Variants in AKAP6 observed in about 807,000 individuals in gnomAD.
AKAP6 encodes the protein A-kinase anchor protein 6.
AKAP6 carries 58 observed loss-of-function variants against 188.5 expected under a neutral mutation model. The ratio of observed to expected loss-of-function variants is 0.31; its 90% CI spans 0.25 to 0.38. AKAP6 has a LOEUF of 0.38. Ranked by LOEUF, AKAP6 falls within the 10% of genes least tolerant of loss-of-function variation. AKAP6 has a pLI of 1.00. For missense variants in AKAP6, 2,710 were observed against 2,740.0 expected (o/e 0.99, Z 0.24); for synonymous variants, 989 against 998.6 (o/e 0.99, Z 0.18).
Position 32,804,933 on chromosome 14 carries a change from A to G in AKAP6, c.3589-16469A>G, listed in dbSNP as rs184896440. ...AGAAAAATATGGCTCTTTTTGCCCA[A>G]CCCCACAGGCAGTCAGACCTTATGG... On this transcript the variant is annotated intron_variant, in intron 12 of 13. Transcript: ENST00000280979. Among the ~76,000 whole-genome samples, 101 of 152,224 alleles carry G rather than the reference A, an allele frequency of 6.6e-4. No individual in the cohort carries two copies. The East Asian group carries it at 0.019, about 29-fold the overall frequency.
chr14:32,804,280 T>A (rs1488588135), intron 12 of AKAP6, among the ~76,000 whole-genome samples: 2 of 152,170 alleles, frequency 1.3e-5, no homozygotes, highest in Non-Finnish European at 2.9e-5. Flanking sequence ...AAAAACACTA[T>A]CTGATTATCC....
chr14:32,436,093 A>G (rs1158210456), intron 2 of AKAP6, among the ~76,000 whole-genome samples: 1 of 152,242 alleles, frequency 6.6e-6, no homozygotes, highest in Admixed American at 6.5e-5. Context: ...GCCTTTGGCA[A>G]AGCAGATGGG....
chr14:32,594,290 A>G (rs953203248), intron 5 of AKAP6, among the ~76,000 whole-genome samples: 1 of 152,116 alleles, frequency 6.6e-6, no homozygotes, highest in African/African-American at 2.4e-5. Flanking sequence ...ATTTTGTTGT[A>G]TTTTTTGCAG....
intron 12 of AKAP6, among the ~76,000 whole-genome samples, chr14:32,813,923 G>T (rs2034314447): frequency 6.7e-6 from 1 of 149,398 alleles, no homozygotes; most frequent in African/African-American, 2.5e-5. Flanking sequence ...AGTTGAGATG[G>T]GCTACTGTGC....
intron 11 of AKAP6, among the ~76,000 whole-genome samples, chr14:32,745,972 G>T (rs2031893039): frequency 6.6e-6 from 1 of 152,138 alleles, no homozygotes; most frequent in African/African-American, 2.4e-5. Flanking sequence ...GGAGAGTACT[G>T]CCAGACTACC....
intron 12 of AKAP6, among the ~76,000 whole-genome samples, chr14:32,798,884 A>G (rs2033854096): frequency 6.6e-6 from 1 of 152,172 alleles, no homozygotes; most frequent in South Asian, 2.1e-4. Flanking sequence ...AAAGTTGGAA[A>G]AAAAAAAATA....
At chr14:32,342,566 C>T (rs1157321032) in intron 1 of AKAP6, among the ~76,000 whole-genome samples, 1 of 152,178 alleles carries the variant, frequency 6.6e-6, no homozygotes, top group Non-Finnish European at 1.5e-5. Context: ...TAGACATTTT[C>T]TCATGAAGCC....
At chr14:32,660,820 C>A (rs1594821624) in intron 7 of AKAP6, among the ~76,000 whole-genome samples, 2 of 151,912 alleles carry the variant, frequency 1.3e-5, no homozygotes, top group Admixed American at 1.3e-4. Context: ...ACTCAATTCA[C>A]CATTCCTGTT....
At position 32,546,684 on chromosome 14, in the gene AKAP6, T is replaced by A. The variant is rs1400657878; in HGVS notation, c.2031T>A (p.Asp677Glu). 6.2e-7 allele frequency: 1 copy of A among 1,614,124 alleles called. No individual in the cohort carries two copies. The highest frequency in any genetic ancestry group is 1.1e-5 in the South Asian group (1 of 91,080). ...GGGAACTGTCTGAAATGAATTCAGA[T>A]TCTGAAATCTATCCAACCTATCATG... The part of the protein sequence containing the change: ...DDWELSEMNS[D>E]SEIYPTYHVK... The change falls in exon 4 of 14, where the codon GAT (aspartate) becomes GAA (glutamate). Residue 677 changes from aspartate to glutamate, a missense_variant. Asp to Glu is a conservative substitution (Grantham distance 45). This residue lies in a region of AKAP6 where 2,473 missense variants were observed against 2,426.1 expected (regional missense o/e 1.02). Coordinates refer to ENST00000280979, the MANE Select transcript of AKAP6 (RefSeq NM_004274.5).
At chr14:32,762,502 A>G (rs2139950410) in intron 11 of AKAP6, among the ~76,000 whole-genome samples, 1 of 152,278 alleles carries the variant, frequency 6.6e-6, no homozygotes, top group Admixed American at 6.5e-5. Flanking sequence ...TAGGGAAAGT[A>G]ACAAAGAAAT....
intron 2 of AKAP6, among the ~76,000 whole-genome samples, chr14:32,510,422 ATACATATATATATGTG>A (rs1566546583): frequency 0.012 from 1,107 of 88,678 alleles, 41 homozygotes; most frequent in African/African-American, 0.048. Flanking sequence ...ATGTATATAT[ATACATATATATATGTG>A]TATATATATA....
intron 1 of AKAP6, among the ~76,000 whole-genome samples, chr14:32,335,196 G>A (rs1333119696): frequency 6.6e-6 from 1 of 152,132 alleles, no homozygotes; most frequent in Non-Finnish European, 1.5e-5. Flanking sequence ...TATGGCTGCT[G>A]GGCAGGCTTT....
chr14:32,583,035 A>T (rs563185858), intron 5 of AKAP6, among the ~76,000 whole-genome samples: 1 of 152,206 alleles, frequency 6.6e-6, no homozygotes, highest in Non-Finnish European at 1.5e-5. Context: ...CTGGTGAGGA[A>T]CTGCGTTCCT....
intron 12 of AKAP6, among the ~76,000 whole-genome samples, chr14:32,803,280 T>A (rs906680820): frequency 1.1e-3 from 133 of 116,134 alleles, no homozygotes; most frequent in African/African-American, 1.8e-3. Context: ...CCCGTCTCTA[T>A]AAAAAAAAAA....
At chr14:32,435,832 G>T (rs3784190) in intron 2 of AKAP6, among the ~76,000 whole-genome samples, 38,513 of 152,006 alleles carry the variant, frequency 0.25, 9,227 homozygotes, top group African/African-American at 0.63. Context: ...ACTGCATGTG[G>T]CCTCAAAAAA....
intron 1 of AKAP6, among the ~76,000 whole-genome samples, chr14:32,398,555 C>T (rs1018220392): frequency 6.6e-6 from 1 of 152,084 alleles, no homozygotes; most frequent in Non-Finnish European, 1.5e-5. Context: ...TCCTTTCCAG[C>T]CATCCACACC....
intron 7 of AKAP6, chr14:32,628,115 GA>G (rs1887102527): frequency 6.6e-6 from 1 of 152,062 alleles, no homozygotes; most frequent in African/African-American, 2.4e-5. Flanking sequence ...CAAAGTACTT[GA>G]TTACACAATA....
At chr14:32,706,996 G>C (rs1360345738) in intron 9 of AKAP6, among the ~76,000 whole-genome samples, 2 of 152,052 alleles carry the variant, frequency 1.3e-5, no homozygotes, top group Admixed American at 1.3e-4. Context: ...TTCCTAAGTA[G>C]TTGATTCCAT....
chr14:32,481,934 T>G (rs976894610), intron 2 of AKAP6, among the ~76,000 whole-genome samples: 1 of 152,184 alleles, frequency 6.6e-6, no homozygotes, highest in Non-Finnish European at 1.5e-5. Flanking sequence ...CATCCCATAC[T>G]TAAGGACTCA....
Sources: gnomAD v4.1 joint callset for allele counts (sites outside exome capture counted in the v4.1 genomes callset) on GRCh38, gnomAD v4.1.1 for gene constraint, gnomAD v4.1.1 regional missense constraint, MANE v1.5 for transcripts, NCBI Gene and HGNC (gene_info 2026-07-23, HGNC 2026-07-21) for gene names.